NRL: variants seen among roughly 807,000 people sequenced by gnomAD.
NRL encodes the protein neural retina leucine zipper, also known as neural retina-specific leucine zipper protein.
Under a neutral mutation model 12.5 loss-of-function variants are expected in NRL, and 16 were observed. The ratio of observed to expected loss-of-function variants is 1.28; its 90% CI spans 0.87 to 1.95. The LOEUF is 1.95. Among genes scored for constraint, NRL ranks in the 30% most tolerant of loss-of-function variants. NRL has a pLI of 0.00. For synonymous variants in NRL, 142 were observed against 150.9 expected, an observed-to-expected ratio of 0.94 and a Z score of 0.43; for missense variants, 314 against 325.8, an observed-to-expected ratio of 0.96 and a Z score of 0.28.
chr14:24,087,645 T>C (rs940213687), intron 1 of NRL, among the ~76,000 whole-genome samples: 21 of 152,224 alleles, frequency 1.4e-4, no homozygotes, highest in African/African-American at 4.8e-4. Context: ...ACCTCCTACA[T>C]TCTTTTGAAA....
rs1451073882 is a variant in NRL, at chr14:24,081,878, C to T, written c.382-310G>A. On this transcript the variant is annotated intron_variant, in intron 2 of 2. Transcript: ENST00000561028. This position sits in a 1 kb window ranked among gnomAD's most constrained non-coding sequence, Gnocchi z 4.4. ...CTCTGGGATCCCCGGCATCCAGCTC[C>T]AGGCCCGGGTGTGTCCAGTGGACCC... The T allele has an allele frequency of 7.4e-7, 1 of 1,348,622 alleles. No individual in the cohort carries two copies. Among genetic ancestry groups the T allele is most frequent in the Non-Finnish European group, 9.6e-7 (1 of 1,045,494 alleles). 83.5% of individuals were successfully genotyped at this position (1,348,622 alleles called of 1,614,324 possible).
rs2036433326 is a variant in NRL, at chr14:24,085,122, GCTGA to G, written c.-27-2251_-27-2248del. ...ATTTCTACCTCTGCCCCATCTTCAT[GCTGA>G]CTGGTCTTATGCCCCTCATAGCCGT... On this transcript the variant is annotated intron_variant, in intron 1 of 2. Transcript: ENST00000561028. This position sits in a 1 kb window ranked among gnomAD's most constrained non-coding sequence, Gnocchi z 4.1. Among the ~76,000 whole-genome samples, 1 of 152,132 alleles carries G rather than the reference GCTGA, an allele frequency of 6.6e-6. No individual in the cohort carries two copies. Among genetic ancestry groups the G allele is most frequent in the Non-Finnish European group, 1.5e-5 (1 of 68,030 alleles).
In NRL at chr14:24,081,731, C is replaced by A; in HGVS notation, c.382-163G>T. On this transcript the variant is annotated intron_variant, in intron 2 of 2. Transcript: ENST00000561028. This position sits in a 1 kb window ranked among gnomAD's most constrained non-coding sequence, Gnocchi z 4.4. ...GCAGTCTGTTTCGGTCCAGAGCCCG[C>A]CCCAGGCCCCGACGCTCCCCGGGCC... 1.3e-6 allele frequency: 2 copies of A among 1,522,856 alleles called. No homozygotes were observed. The highest frequency in any genetic ancestry group is 1.8e-6 in the Non-Finnish European group (2 of 1,141,152). 94.3% of individuals were successfully genotyped at this position (1,522,856 alleles called of 1,614,324 possible).
rs368458663 is a variant in NRL, at chr14:24,099,203, C to T, written c.-28+15519G>A. ...CCCTACGCATCGCCTCTCGGCTGGC[C>T]CGGGATGAGGGCTGGCTGGCAGAGC... is the stretch of plus-strand genomic sequence containing the variant. On this transcript the variant is annotated intron_variant, in intron 1 of 2. Coordinates refer to ENST00000561028, the MANE Select transcript of NRL (RefSeq NM_001354768.3). 10 of 1,601,952 alleles carry T rather than the reference C, an allele frequency of 6.2e-6. No individual in the cohort carries two copies. The African/African-American group carries it at 1.2e-4, about 19-fold the overall frequency.
intron 1 of NRL, among the ~76,000 whole-genome samples, chr14:24,113,977 G>A (rs2037473342): frequency 6.6e-6 from 1 of 152,232 alleles, no homozygotes; most frequent in Admixed American, 6.5e-5. Flanking sequence ...CCAGGGCGAG[G>A]ATCAGAGATG....
chr14:24,098,500 C>G, intron 1 of NRL: 1 of 1,614,138 alleles, frequency 6.2e-7, no homozygotes, highest in Non-Finnish European at 8.5e-7. Context: ...TGCTTCCATT[C>G]AGCATGGGTC....
intron 1 of NRL, among the ~76,000 whole-genome samples, chr14:24,113,094 T>C (rs1389861842): frequency 1.2e-3 from 39 of 32,452 alleles, no homozygotes; most frequent in Non-Finnish European, 1.8e-4. Flanking sequence ...ATGGATGAAA[T>C]TGGAAACCAT....
intron 1 of NRL, chr14:24,093,200 GATGCTGAGCAGACACCCATCATAGAT>G (rs1419105143): frequency 6.6e-6 from 1 of 152,316 alleles, no homozygotes; most frequent in Non-Finnish European, 1.5e-5. Flanking sequence ...AAGGCGAGTG[GATGCTGAGCAGACACCCATCATAGAT>G]ATGCTGAGTT....
chr14:24,095,409 GGCC>G (rs1316517846), intron 1 of NRL: 4 of 362,810 alleles, frequency 1.1e-5, no homozygotes, highest in Non-Finnish European at 2.2e-5. Flanking sequence ...CTGCCCCTGG[GGCC>G]ACACTGATCA....
At position 24,081,732 on chromosome 14, in the gene NRL, C is replaced by G. The variant is rs1027942003; in HGVS notation, c.382-164G>C. The G allele has an allele frequency of 6.6e-7, 1 of 1,523,348 alleles. No homozygotes were observed. The allele number at this position is 1,523,348 out of a possible 1,614,324, so 94.4% of individuals were successfully genotyped here. ...CAGTCTGTTTCGGTCCAGAGCCCGC[C>G]CCAGGCCCCGACGCTCCCCGGGCCC... On this transcript the variant is annotated intron_variant, in intron 2 of 2. Transcript: ENST00000561028. The surrounding 1 kb of genome is among the most constrained non-coding windows in gnomAD (Gnocchi z 4.4).
Position 24,099,195 on chromosome 14 carries a change from C to T in NRL, c.-28+15527G>A, listed in dbSNP as rs752385729. On this transcript the variant is annotated intron_variant, in intron 1 of 2. Coordinates refer to ENST00000561028, the MANE Select transcript of NRL (RefSeq NM_001354768.3). ...GTGCTTTGCCCTACGCATCGCCTCTCGGCTGGCCCGGGATGAGGGCTGGCT... is the reference window on the plus strand; with the variant it reads ...GTGCTTTGCCCTACGCATCGCCTCTTGGCTGGCCCGGGATGAGGGCTGGCT... 29 of 1,603,490 alleles carry T rather than the reference C, an allele frequency of 1.8e-5. No homozygotes were observed. The highest frequency in any genetic ancestry group is 1.6e-4 in the Middle Eastern group (1 of 6,072).
intron 1 of NRL, chr14:24,099,504 C>T: frequency 6.6e-7 from 1 of 1,513,148 alleles, no homozygotes; most frequent in South Asian, 1.3e-5. Flanking sequence ...CCATGCAGAC[C>T]ATGCCCTGAC....
At chr14:24,102,635 T>A in intron 1 of NRL, 1 of 817,694 alleles carries the variant, frequency 1.2e-6, no homozygotes. Context: ...CACAAGGTTC[T>A]AGGCAGCTGA....
chr14:24,103,981 A>G, intron 1 of NRL: 1 of 1,595,562 alleles, frequency 6.3e-7, no homozygotes, highest in Non-Finnish European at 8.6e-7. Flanking sequence ...GCCCTAGTCT[A>G]GCAAGAGGAC....
At position 24,099,183 on chromosome 14, in the gene NRL, C is replaced by G. The variant is rs202246749; in HGVS notation, c.-28+15539G>C. 53 of 1,607,302 alleles carry G rather than the reference C, an allele frequency of 3.3e-5. No individual in the cohort carries two copies. Among genetic ancestry groups the G allele is most frequent in the Admixed American group, 5.0e-5 (3 of 59,980 alleles). Reference sequence around the variant, plus strand: ...GCTGGGCAAGAAGTGCTTTGCCCTACGCATCGCCTCTCGGCTGGCCCGGGA... The same window carrying G: ...GCTGGGCAAGAAGTGCTTTGCCCTAGGCATCGCCTCTCGGCTGGCCCGGGA... On this transcript the variant is annotated intron_variant, in intron 1 of 2. Coordinates refer to ENST00000561028, the MANE Select transcript of NRL (RefSeq NM_001354768.3).
intron 1 of NRL, chr14:24,100,428 T>A: frequency 9.3e-7 from 1 of 1,078,652 alleles, no homozygotes; most frequent in Non-Finnish European, 1.3e-6. Flanking sequence ...TCAACTTCCC[T>A]AAGCTTTAGT....
chr14:24,090,107 G>T (rs1370466548), intron 1 of NRL, among the ~76,000 whole-genome samples: 2 of 152,106 alleles, frequency 1.3e-5, no homozygotes, highest in African/African-American at 4.8e-5. Context: ...TTTGTGTTCG[G>T]AAGGATCACG....
rs141292548 is a variant in NRL at position 24,079,451 on chromosome 14, G to A, written c.*1785C>T. Among the ~76,000 whole-genome samples, 23 of 152,362 alleles carry A rather than the reference G, an allele frequency of 1.5e-4. No individual in the cohort carries two copies. The highest frequency in any genetic ancestry group is 5.5e-4 in the African/African-American group (23 of 41,584). On this transcript the variant is annotated 3_prime_UTR_variant, in exon 3 of 3. Coordinates refer to ENST00000561028, the MANE Select transcript of NRL (RefSeq NM_001354768.3). Reference sequence around the variant, plus strand: ...CTAAAGGTTCTGTGAGCCCCTCAGAGAGAGAATCCAGAGCCAGAGAGGATG... The same window carrying A: ...CTAAAGGTTCTGTGAGCCCCTCAGAAAGAGAATCCAGAGCCAGAGAGGATG...
At chr14:24,091,504 A>T (rs1384092527) in intron 1 of NRL, among the ~76,000 whole-genome samples, 1 of 152,212 alleles carries the variant, frequency 6.6e-6, no homozygotes, top group Non-Finnish European at 1.5e-5. Flanking sequence ...GAGTCAGATT[A>T]TGAAGGACAT....
Sources: gnomAD v4.1 joint callset for allele counts (sites outside exome capture counted in the v4.1 genomes callset) on GRCh38, gnomAD v4.1.1 for gene constraint, Gnocchi (gnomAD v3.1) non-coding constraint, MANE v1.5 for transcripts, NCBI Gene and HGNC (gene_info 2026-07-23, HGNC 2026-07-21) for gene names.